Variants in MOB3B observed in about 807,000 individuals in gnomAD.
The protein encoded by MOB3B is MOB kinase activator-like 2B.
MOB3B carries 7 observed loss-of-function variants against 18.7 expected under a neutral mutation model. The ratio of observed to expected loss-of-function variants is 0.37; its 90% CI spans 0.21 to 0.70. MOB3B has a LOEUF of 0.70. Ranked by LOEUF, MOB3B falls within the 30% of genes least tolerant of loss-of-function variation. The pLI is 0.52. For missense variants in MOB3B, 253 were observed against 281.3 expected, an observed-to-expected ratio of 0.90 and a Z score of 0.72; for synonymous variants, 111 against 99.9, an observed-to-expected ratio of 1.11 and a Z score of -0.66.
chr9:27,337,061 T>C (rs1285357314), intron 3 of MOB3B, among the ~76,000 whole-genome samples: 3 of 152,194 alleles, frequency 2.0e-5, no homozygotes, highest in African/African-American at 4.8e-5. Flanking sequence ...TGGCCTGCCG[T>C]CAGCCCCATC....
chr9:27,434,281 A>AC (rs1291688398), intron 2 of MOB3B, among the ~76,000 whole-genome samples: 1 of 151,346 alleles, frequency 6.6e-6, no homozygotes, highest in Non-Finnish European at 1.5e-5. Flanking sequence ...TAATCTTTCA[A>AC]CCCCCTCCTC....
At chr9:27,393,143 A>G (rs758628756) in intron 2 of MOB3B, among the ~76,000 whole-genome samples, 2 of 152,174 alleles carry the variant, frequency 1.3e-5, no homozygotes, top group Non-Finnish European at 2.9e-5. Flanking sequence ...GCAGTTCTAC[A>G]CCTTGTTTGT....
intron 2 of MOB3B, among the ~76,000 whole-genome samples, chr9:27,406,891 T>G (rs1587188567): frequency 6.6e-6 from 1 of 151,850 alleles, no homozygotes; most frequent in Admixed American, 6.6e-5. Flanking sequence ...CTGGCTGGAG[T>G]GCAATGGCAT....
At chr9:27,350,688 A>G (rs1476414783) in intron 3 of MOB3B, among the ~76,000 whole-genome samples, 1 of 152,200 alleles carries the variant, frequency 6.6e-6, no homozygotes, top group East Asian at 1.9e-4. Flanking sequence ...TTGACACTTT[A>G]GAATACATCT....
chr9:27,450,057 G>C (rs371850179), intron 2 of MOB3B, among the ~76,000 whole-genome samples: 1 of 151,422 alleles, frequency 6.6e-6, no homozygotes, highest in Admixed American at 6.6e-5. Context: ...CCATGTCTGA[G>C]AAGATTATCC....
At chr9:27,524,904 A>T (rs1820406707) in intron 1 of MOB3B, 1 of 1,611,572 alleles carries the variant, frequency 6.2e-7, no homozygotes, top group Admixed American at 1.7e-5. Flanking sequence ...CCGAGTGGAA[A>T]TCAGAAGATG....
rs978570638 is a variant in MOB3B at position 27,327,963 on chromosome 9, C to T, written c.*2624G>A. 4.6e-5 allele frequency: 7 copies of T among 151,472 alleles called. No individual in the cohort carries two copies. Among genetic ancestry groups the T allele is most frequent in the Non-Finnish European group, 1.0e-4 (7 of 67,938 alleles). 9.4% of individuals were successfully genotyped at this position (151,472 alleles called of 1,614,324 possible). On this transcript the variant is annotated 3_prime_UTR_variant, in exon 4 of 4. Transcript: ENST00000262244. Reference sequence around the variant, plus strand: ...AAAATGTGAGGCAGGTGCGGTGGTACATGCCATAGTCCTGGCTACTCAGGA... The same window carrying T: ...AAAATGTGAGGCAGGTGCGGTGGTATATGCCATAGTCCTGGCTACTCAGGA...
At chr9:27,342,756 G>C (rs10967902) in intron 3 of MOB3B, among the ~76,000 whole-genome samples, 1 of 151,842 alleles carries the variant, frequency 6.6e-6, no homozygotes, top group Non-Finnish European at 1.5e-5. Flanking sequence ...ATGGAGTCTC[G>C]CTCACTCAGT....
chr9:27,470,138 A>C (rs1819450704), intron 1 of MOB3B, among the ~76,000 whole-genome samples: 3 of 151,222 alleles, frequency 2.0e-5, no homozygotes, highest in Non-Finnish European at 4.4e-5. Flanking sequence ...AGAAAAGAAA[A>C]CTACCCCAAC....
At chr9:27,523,745 G>A (rs1820379133) in intron 1 of MOB3B, among the ~76,000 whole-genome samples, 1 of 152,112 alleles carries the variant, frequency 6.6e-6, no homozygotes, top group Non-Finnish European at 1.5e-5. Context: ...AAATCAAAAA[G>A]AGAAAATATC....
intron 2 of MOB3B, among the ~76,000 whole-genome samples, chr9:27,371,726 T>C (rs1326414718): frequency 6.6e-6 from 1 of 151,226 alleles, no homozygotes; most frequent in African/African-American, 2.4e-5. Flanking sequence ...GCCTGGAGAG[T>C]GTATTATGCA....
At chr9:27,471,165 C>T (rs1392852869) in intron 1 of MOB3B, among the ~76,000 whole-genome samples, 3 of 152,154 alleles carry the variant, frequency 2.0e-5, no homozygotes, top group Non-Finnish European at 4.4e-5. Flanking sequence ...GTGGACTCTG[C>T]TGCTCTCCAG....
At chr9:27,439,041 T>C (rs577160762) in intron 2 of MOB3B, among the ~76,000 whole-genome samples, 1 of 152,310 alleles carries the variant, frequency 6.6e-6, no homozygotes, top group African/African-American at 2.4e-5. Context: ...TGCAGAAATA[T>C]GGTACTTACA....
chr9:27,459,112 T>C (rs1423897812), intron 1 of MOB3B, among the ~76,000 whole-genome samples: 2 of 152,108 alleles, frequency 1.3e-5, no homozygotes, highest in East Asian at 3.9e-4. Flanking sequence ...CTGTGTCTTT[T>C]CCTGAGTGTG....
At chr9:27,492,225 G>C (rs567741258) in intron 1 of MOB3B, among the ~76,000 whole-genome samples, 2 of 152,030 alleles carry the variant, frequency 1.3e-5, no homozygotes, top group South Asian at 4.2e-4. Context: ...AATGAAGGGG[G>C]ATTACGGAAG....
chr9:27,364,166 A>G (rs1821312435), intron 2 of MOB3B, among the ~76,000 whole-genome samples: 1 of 152,298 alleles, frequency 6.6e-6, no homozygotes, highest in South Asian at 2.1e-4. Flanking sequence ...CCTCGAACGG[A>G]CACTTGGCTA....
At chr9:27,508,792 C>A (rs1820095483) in intron 1 of MOB3B, among the ~76,000 whole-genome samples, 1 of 152,118 alleles carries the variant, frequency 6.6e-6, no homozygotes, top group African/African-American at 2.4e-5. Context: ...TAAAACAATA[C>A]AGTAAATCAC....
intron 2 of MOB3B, among the ~76,000 whole-genome samples, chr9:27,361,458 T>A (rs554708411): frequency 6.6e-6 from 1 of 152,234 alleles, no homozygotes; most frequent in South Asian, 2.1e-4. Flanking sequence ...GTCCACAGCA[T>A]CAGAAGCCAC....
At chr9:27,511,005 C>A (rs1056866278) in intron 1 of MOB3B, among the ~76,000 whole-genome samples, 5 of 152,096 alleles carry the variant, frequency 3.3e-5, no homozygotes, top group Non-Finnish European at 7.4e-5. Flanking sequence ...TAAGTCAGGT[C>A]AAGCGGCAGG....
Sources: allele counts gnomAD v4.1 joint callset (sites outside exome capture counted in the v4.1 genomes callset), GRCh38; gene constraint gnomAD v4.1.1; transcripts MANE v1.5; gene names NCBI Gene and HGNC (gene_info 2026-07-23, HGNC 2026-07-21).